SMG1: variants seen among roughly 807,000 people sequenced by gnomAD.
SMG1 encodes SMG1 nonsense mediated mRNA decay associated PI3K related kinase.
Under a neutral mutation model 419.9 loss-of-function variants are expected in SMG1, and 22 were observed. The observed-to-expected ratio is 0.05, with a 90% confidence interval of 0.04 to 0.07. SMG1 has a LOEUF of 0.07. Ranked by LOEUF, SMG1 falls within the 10% of genes least tolerant of loss-of-function variation. SMG1 has a pLI of 1.00. For synonymous variants in SMG1, 1,538 were observed against 1,553.5 expected, an observed-to-expected ratio of 0.99 and a Z score of 0.23; for missense variants, 3,185 against 4,342.0, an observed-to-expected ratio of 0.73 and a Z score of 7.49.
chr16:18,833,462 G>A (rs999057326), intron 50 of SMG1, among the ~76,000 whole-genome samples: 2 of 151,768 alleles, frequency 1.3e-5, no homozygotes, highest in Non-Finnish European at 2.9e-5. Flanking sequence ...CTGCCCTAAA[G>A]TATGTTATAT....
chr16:18,814,029 CAAAAAAAA>C (rs34998351), intron 60 of SMG1, among the ~76,000 whole-genome samples: 2 of 60,148 alleles, frequency 3.3e-5, no homozygotes, highest in Non-Finnish European at 6.0e-5. Flanking sequence ...AGACTCATCT[CAAAAAAAA>C]AAAAAAAAAT....
Position 18,882,180 on chromosome 16 carries a change from C to T in SMG1, c.1278G>A (p.Glu426=), listed in dbSNP as rs764358778. ...AAGCACTTACATCTGTTACATATGC[C>T]TCAGTAATTGGAGGACCCCGAATTG... ...FSPIRGPPIT[E]AYVTDVLYRV... Residue 426 remains glutamate (E), a synonymous_variant, in exon 10 of 63, where the codon GAG becomes GAA. Coordinates refer to ENST00000446231, the MANE Select transcript of SMG1 (RefSeq NM_015092.5). 6.3e-6 allele frequency: 10 copies of T among 1,576,998 alleles called. No homozygotes were observed. Among genetic ancestry groups the T allele is most frequent in the East Asian group, 4.5e-5 (2 of 44,032 alleles).
chr16:18,898,445 C>T (rs1411696362), intron 1 of SMG1, among the ~76,000 whole-genome samples: 2 of 151,972 alleles, frequency 1.3e-5, no homozygotes, highest in African/African-American at 4.8e-5. Flanking sequence ...TCTGAGTATA[C>T]TAAGTCTATA....
chr16:18,904,173 G>A (rs1315575879), intron 1 of SMG1, among the ~76,000 whole-genome samples: 1 of 150,446 alleles, frequency 6.6e-6, no homozygotes, highest in African/African-American at 2.4e-5. Context: ...TCCTGATCTC[G>A]TGATCCACCC....
chr16:18,871,691 G>C (rs1443305235), intron 15 of SMG1, among the ~76,000 whole-genome samples: 1 of 152,086 alleles, frequency 6.6e-6, no homozygotes, highest in Non-Finnish European at 1.5e-5. Flanking sequence ...CATGATAATA[G>C]CAAAGAGGCC....
intron 51 of SMG1, among the ~76,000 whole-genome samples, chr16:18,831,233 T>G (rs182921898): frequency 1.0e-3 from 156 of 152,266 alleles, no homozygotes; most frequent in Non-Finnish European, 1.9e-3. Context: ...GCTGGAACTA[T>G]TAAGAATTTT....
At position 18,863,895 on chromosome 16, in the gene SMG1, T is replaced by C. The variant is rs749985764; in HGVS notation, c.3494-44A>G. Reference sequence around the variant, plus strand: ...ATAAGAAGAGAGAGATTCAGATCAGTTAGAAATATTTCAAAGAGCACAGAA... The same window carrying C: ...ATAAGAAGAGAGAGATTCAGATCAGCTAGAAATATTTCAAAGAGCACAGAA... On this transcript the variant is annotated intron_variant, in intron 24 of 62. Transcript: ENST00000446231. 9 of 1,591,610 alleles carry C rather than the reference T, an allele frequency of 5.7e-6. No homozygotes were observed. The Admixed American group carries it at 1.5e-4, about 27-fold the overall frequency.
intron 9 of SMG1, among the ~76,000 whole-genome samples, chr16:18,883,464 T>C (rs1249620296): frequency 2.6e-5 from 4 of 152,246 alleles, no homozygotes; most frequent in Non-Finnish European, 5.9e-5. Context: ...TTTAAGACTC[T>C]GAAGACCGGG....
At chr16:18,818,211 C>A (rs2032191120) in intron 56 of SMG1, among the ~76,000 whole-genome samples, 1 of 151,946 alleles carries the variant, frequency 6.6e-6, no homozygotes, top group South Asian at 2.1e-4. Flanking sequence ...GGTGAAACCC[C>A]GTCTCTACTA....
intron 13 of SMG1, chr16:18,875,501 G>C (rs2036074707): frequency 6.6e-6 from 1 of 152,646 alleles, no homozygotes; most frequent in African/African-American, 2.4e-5. Context: ...TGAAACAGGA[G>C]AATCGCTTGT....
intron 55 of SMG1, among the ~76,000 whole-genome samples, chr16:18,820,957 T>C (rs2141154085): frequency 6.6e-6 from 1 of 152,372 alleles, no homozygotes; most frequent in East Asian, 1.9e-4. Flanking sequence ...AGAAGGATTA[T>C]GTACATAGCT....
chr16:18,834,365 C>T lies in SMG1; in HGVS notation c.8404G>A (p.Ala2802Thr), dbSNP rs1463396936. 1 of 1,613,866 alleles carries T rather than the reference C, an allele frequency of 6.2e-7. No individual in the cohort carries two copies. Among genetic ancestry groups the T allele is most frequent in the East Asian group, 2.2e-5 (1 of 44,872 alleles). The change falls in exon 50 of 63, where the codon GCC becomes ACC. Residue 2802 changes from alanine to threonine, a missense_variant. Physicochemically the swap from Ala to Thr is moderately conservative, Grantham distance 58 (BLOSUM62 0). Transcript: ENST00000446231. Reference sequence around the variant, plus strand: ...CTGCAGAGTTCCTCCAAGAACCAGGCTCCATCCCGAGAAGTCAGATCAACC... The same window carrying T: ...CTGCAGAGTTCCTCCAAGAACCAGGTTCCATCCCGAGAAGTCAGATCAACC... Reference protein sequence around the residue: ...QLVDLTSRDGAWFLEELCSMS... With the variant: ...QLVDLTSRDGTWFLEELCSMS...
At chr16:18,895,634 C>T (rs144959750) in intron 3 of SMG1, among the ~76,000 whole-genome samples, 13 of 151,596 alleles carry the variant, frequency 8.6e-5, no homozygotes, top group African/African-American at 3.1e-4. Flanking sequence ...CCATGGCACA[C>T]GTTTACCTAC....
chr16:18,859,667 T>A lies in SMG1; in HGVS notation c.3842A>T (p.Asp1281Val). 6.2e-7 allele frequency: 1 copy of A among 1,612,952 alleles called. No homozygotes were observed. ...AATGGATTTCTGAAGTTCCCTCGGA[T>A]CCGGACTTAACATGTTAGGAAGCAG... is the stretch of plus-strand genomic sequence containing the variant. ...KKLLPNMLSP[D>V]PRELQKSIEV... Residue 1281 changes from aspartate (D) to valine (V), a missense_variant, in exon 27 of 63, where the codon GAT becomes GTT. By Grantham distance (152) the Asp-to-Val change is radical. Transcript: ENST00000446231.
At chr16:18,921,582 T>C (rs908325764) in intron 1 of SMG1, among the ~76,000 whole-genome samples, 3 of 152,114 alleles carry the variant, frequency 2.0e-5, no homozygotes, top group African/African-American at 4.8e-5. Context: ...GTGAAAGTAA[T>C]TGCGGTTTTT....
intron 33 of SMG1, among the ~76,000 whole-genome samples, chr16:18,850,816 A>T (rs1198623213): frequency 6.6e-6 from 1 of 152,190 alleles, no homozygotes; most frequent in Non-Finnish European, 1.5e-5. Flanking sequence ...CAATGGCACA[A>T]TCATGGCTCA....
chr16:18,896,002 A>C (rs1440805656), intron 3 of SMG1, 50 bp downstream of exon 3: 5 of 1,528,634 alleles, frequency 3.3e-6, no homozygotes, highest in Non-Finnish European at 3.6e-6. Flanking sequence ...AAGAGGAGAT[A>C]CAAGTCTTTG....
Position 18,850,375 on chromosome 16 carries a change from G to A in SMG1, c.5145C>T (p.Cys1715=). The change falls in exon 34 of 63, where the codon TGC becomes TGT. Residue 1715 remains cysteine, a synonymous_variant. Transcript: ENST00000446231. ...TTTCATCAAGTTCTGAAAGCCATGG[G>A]CAGCTTGATATCAACTGACGCCAGA... The part of the protein sequence containing the change: ...DVIWRQLISS[C]PWLSELDESA... The A allele has an allele frequency of 6.2e-7, 1 of 1,613,882 alleles. No homozygotes were observed. Among genetic ancestry groups the A allele is most frequent in the South Asian group, 1.1e-5 (1 of 91,078 alleles).
intron 39 of SMG1, 93 bp downstream of exon 39, chr16:18,845,336 A>T: frequency 1.9e-6 from 2 of 1,073,632 alleles, no homozygotes; most frequent in South Asian, 1.6e-5. Flanking sequence ...AAAATCTCTT[A>T]CATTCCAAGT....
Sources: gnomAD v4.1 joint callset for allele counts (sites outside exome capture counted in the v4.1 genomes callset) on GRCh38, gnomAD v4.1.1 for gene constraint, MANE v1.5 for transcripts, NCBI Gene and HGNC (gene_info 2026-07-23, HGNC 2026-07-21) for gene names.